STXBP2: variants seen among roughly 807,000 people sequenced by gnomAD.
STXBP2 encodes syntaxin-binding protein 2.
STXBP2 carries 47 observed loss-of-function variants against 72.2 expected under a neutral mutation model. The ratio of observed to expected loss-of-function variants is 0.65; its 90% CI spans 0.51 to 0.83. The LOEUF is 0.83. Ranked by LOEUF, STXBP2 falls within the 40% of genes least tolerant of loss-of-function variation. The pLI is 0.00. For synonymous variants in STXBP2, 367 were observed against 338.7 expected, an observed-to-expected ratio of 1.08 and a Z score of -0.92; for missense variants, 702 against 807.6, an observed-to-expected ratio of 0.87 and a Z score of 1.58.
In STXBP2 at chr19:7,641,760, C is replaced by T. The variant is rs1295427888; in HGVS notation, c.485C>T (p.Ala162Val). Reference protein sequence around the residue: ...STYNLYCPFRAEERTRQLEVL... With the variant: ...STYNLYCPFRVEERTRQLEVL... ...TACAACCTCTACTGCCCCTTCCGGG[C>T]AGAGGAGCGCACGCGGCAGCTCGAG... The change falls in exon 7 of 19, where the codon GCA becomes GTA. Residue 162 changes from alanine (A) to valine (V), a missense_variant. By Grantham distance (64) the Ala-to-Val change is moderately conservative. Transcript: ENST00000221283. 9 of 1,552,520 alleles carry T rather than the reference C, an allele frequency of 5.8e-6. No individual in the cohort carries two copies. The highest frequency in any genetic ancestry group is 7.8e-6 in the Non-Finnish European group (9 of 1,148,132).
intron 3 of STXBP2, chr19:7,639,305 G>C: frequency 4.5e-6 from 3 of 664,242 alleles, no homozygotes; most frequent in Non-Finnish European, 5.4e-6. Flanking sequence ...CCCATGGATT[G>C]CAGGCCTCCC....
Position 7,642,739 on chromosome 19 carries a change from C to G in STXBP2, c.903-27C>G, listed in dbSNP as rs754346281. 5 of 1,612,802 alleles carry G rather than the reference C, an allele frequency of 3.1e-6. No individual in the cohort carries two copies. The highest frequency in any genetic ancestry group is 1.7e-5 in the Admixed American group (1 of 59,942). On this transcript the variant is annotated intron_variant, in intron 10 of 18. Transcript: ENST00000221283. This position sits in a 1 kb window ranked among gnomAD's most constrained non-coding sequence, Gnocchi z 6.0. ...GGCCTGTGGCTCCTCTCCCCTCACTCTCACCCCCGCCCACCCTCATGGCCA... is the reference window on the plus strand; with the variant it reads ...GGCCTGTGGCTCCTCTCCCCTCACTGTCACCCCCGCCCACCCTCATGGCCA...
intron 15 of STXBP2, chr19:7,645,532 G>A (rs1302268527): frequency 2.2e-5 from 12 of 558,120 alleles, no homozygotes; most frequent in African/African-American, 3.8e-5. Flanking sequence ...AGACATGGTC[G>A]CTGCCAGGCT....
intron 16 of STXBP2, 57 bp downstream of exon 16, chr19:7,646,401 C>A: frequency 6.8e-7 from 1 of 1,477,362 alleles, no homozygotes; most frequent in Non-Finnish European, 9.3e-7. Context: ...GGCGGCTCAG[C>A]CTCCCTCCTG....
chr19:7,636,473 G>T (rs115353996), upstream of STXBP2: 1 of 152,228 alleles, frequency 6.6e-6, no homozygotes, highest in Non-Finnish European at 1.5e-5. Flanking sequence ...CCTCCCGGAA[G>T]AGGGTAAGGC....
At position 7,637,154 on chromosome 19, in the gene STXBP2, C is replaced by T. The variant is rs1599386139; in HGVS notation, c.5C>T (p.Ala2Val). M[A>V]PSGLKAVVGE... ...CGGCGGCGCCCCTCGGGGAAGATGG[C>T]GCCCTCGGGGCTGAAGGCGGTGGTG... The change falls in exon 1 of 19, where the codon GCG becomes GTG. Residue 2 changes from alanine to valine, a missense_variant. Physicochemically the swap from Ala to Val is moderately conservative, Grantham distance 64. Transcript: ENST00000221283. 1.6e-6 allele frequency: 2 copies of T among 1,241,264 alleles called. No individual in the cohort carries two copies. Among genetic ancestry groups the T allele is most frequent in the Non-Finnish European group, 1.0e-6 (1 of 988,118 alleles). The allele number at this position is 1,241,264 out of a possible 1,614,324, so 76.9% of individuals were successfully genotyped here.
At chr19:7,639,656 C>T (rs1200183187) in intron 3 of STXBP2, 75 bp from the exon 4 acceptor site, 29 of 1,431,526 alleles carry the variant, frequency 2.0e-5, no homozygotes, top group Non-Finnish European at 2.8e-5. Flanking sequence ...AGCCTCCAAC[C>T]CCCCACACCT....
chr19:7,631,465 A>T, the STXBP2 span: 2 of 1,522,708 alleles, frequency 1.3e-6, no homozygotes, highest in Non-Finnish European at 1.8e-6. Flanking sequence ...CCGCTTCTCC[A>T]CCCCTAGCTT....
At position 7,639,719 on chromosome 19, in the gene STXBP2, T is replaced by C. The variant is rs764720379; in HGVS notation, c.170-12T>C. On this transcript the variant is annotated splice_polypyrimidine_tract_variant and intron_variant, in intron 3 of 18. Coordinates refer to ENST00000221283, the MANE Select transcript of STXBP2 (RefSeq NM_006949.4). ...TGCCACCCACCTGTGTCCCTTCCTCTGTTCCTACTAGTTGTTGAAGACATC... is the reference window on the plus strand; with the variant it reads ...TGCCACCCACCTGTGTCCCTTCCTCCGTTCCTACTAGTTGTTGAAGACATC... 29 of 1,611,944 alleles carry C rather than the reference T, an allele frequency of 1.8e-5. No homozygotes were observed. In the Admixed American group the frequency reaches 3.5e-4, roughly 19 times the overall value.
At chr19:7,641,171 C>A in intron 6 of STXBP2, 168 bp downstream of exon 6, 1 of 739,500 alleles carries the variant, frequency 1.4e-6, no homozygotes, top group Non-Finnish European at 2.4e-6. Context: ...TTGAGACCAG[C>A]CTGGGTACAG....
rs1266495988 is a variant in STXBP2 at position 7,640,786 on chromosome 19, C to T, written c.302C>T (p.Ala101Val). The T allele has an allele frequency of 2.5e-6, 4 of 1,614,040 alleles. No individual in the cohort carries two copies. Among genetic ancestry groups the T allele is most frequent in the African/African-American group, 1.3e-5 (1 of 74,906 alleles). Residue 101 changes from alanine to valine, a missense_variant, in exon 5 of 19, where the codon GCG (alanine) becomes GTG (valine). Ala to Val is a moderately conservative substitution (Grantham distance 64, BLOSUM62 0). Coordinates refer to ENST00000221283, the MANE Select transcript of STXBP2 (RefSeq NM_006949.4). ...FQGTPTFTYK[A>V]AHIFFTDTCP... The stretch of plus-strand genomic sequence containing the variant: ...GGGACCCCGACTTTCACCTACAAAG[C>T]GGCCCATATCTTCTTCACCGACAGT...
At chr19:7,645,971 T>A in intron 15 of STXBP2, 1 of 548,012 alleles carries the variant, frequency 1.8e-6, no homozygotes, top group East Asian at 3.1e-5. Flanking sequence ...GCCTTCATAC[T>A]TTGTCTCACT....
chr19:7,642,257 G>A lies in STXBP2; in HGVS notation c.718G>A (p.Val240Met), dbSNP rs750808117. The A allele has an allele frequency of 9.9e-6, 16 of 1,613,990 alleles. No individual in the cohort carries two copies. The highest frequency in any genetic ancestry group is 1.2e-5 in the Non-Finnish European group (14 of 1,180,012). ...GATAATGGACCGGGCAGCTGACCCCGTGTCCCCACTACTGCATGAGCTCAC... is the reference window on the plus strand; with the variant it reads ...GATAATGGACCGGGCAGCTGACCCCATGTCCCCACTACTGCATGAGCTCAC... ...LLIMDRAADP[V>M]SPLLHELTFQ... The change falls in exon 9 of 19, where the codon GTG becomes ATG. Residue 240 changes from valine to methionine, a missense_variant. Physicochemically the swap from Val to Met is conservative, Grantham distance 21. Coordinates refer to ENST00000221283, the MANE Select transcript of STXBP2 (RefSeq NM_006949.4). This position sits in a 1 kb window ranked among gnomAD's most constrained non-coding sequence, Gnocchi z 6.0.
upstream of STXBP2, chr19:7,633,647 G>A (rs1214795449): frequency 1.9e-5 from 12 of 622,254 alleles, no homozygotes; most frequent in South Asian, 1.2e-4. Flanking sequence ...CCACAACGAT[G>A]CTGGATCTGG....
Position 7,646,322 on chromosome 19 carries a change from C to T in STXBP2, c.1430C>T (p.Pro477Leu), listed in dbSNP as rs121918540. 5.0e-6 allele frequency: 8 copies of T among 1,610,080 alleles called. No individual in the cohort carries two copies. In the East Asian group the frequency reaches 6.7e-5, roughly 14 times the overall value. The change falls in exon 16 of 19, where the codon CCG (proline) becomes CTG (leucine). Residue 477 changes from proline (P) to leucine (L), a missense_variant. Pro to Leu is a moderately conservative substitution (Grantham distance 98). Transcript: ENST00000221283. ...EPTYQLSRWT[P>L]VIKDVMEDAV... ...ACCTATCAGCTGTCCCGCTGGACCC[C>T]GGTCATCAAGGATGTAATGGAGGTA...
Position 7,642,966 on chromosome 19 carries a change from TC to T in STXBP2, c.961-12del. 6.2e-7 allele frequency: 1 copy of T among 1,613,694 alleles called. No homozygotes were observed. The highest frequency in any genetic ancestry group is 8.5e-7 in the Non-Finnish European group (1 of 1,179,894). On this transcript the variant is annotated splice_polypyrimidine_tract_variant and intron_variant, in intron 11 of 18. Coordinates refer to ENST00000221283, the MANE Select transcript of STXBP2 (RefSeq NM_006949.4). This position sits in a 1 kb window ranked among gnomAD's most constrained non-coding sequence, Gnocchi z 6.0. ...CTTCGCCCCCCAATCCCTACCCTCT[TC>T]CCCCTACTTCCCCAGGCGAACATCA...
At position 7,638,679 on chromosome 19, in the gene STXBP2, G is replaced by A. The variant is rs116402517; in HGVS notation, c.38-47G>A. 2,703 of 1,606,634 alleles carry A rather than the reference G, an allele frequency of 1.7e-3. 44 individuals are homozygous for A. The African/African-American group carries it at 0.031, about 19-fold the overall frequency. ...GGCTGAGAAGGCTTGGGGCAGTGGT[G>A]GGACCAGAGAACCAGCATTCTGACC... On this transcript the variant is annotated intron_variant, in intron 1 of 18. Coordinates refer to ENST00000221283, the MANE Select transcript of STXBP2 (RefSeq NM_006949.4).
intron 14 of STXBP2, 130 bp downstream of exon 14, chr19:7,644,882 C>A: frequency 6.6e-7 from 1 of 1,504,274 alleles, no homozygotes; most frequent in Non-Finnish European, 8.9e-7. Context: ...CCCACAGCTA[C>A]CCCTCTGGAC....
chr19:7,632,628 C>A (rs1283091897), upstream of STXBP2: 4 of 1,579,948 alleles, frequency 2.5e-6, no homozygotes, highest in South Asian at 3.4e-5. This position sits in a 1 kb window ranked among gnomAD's most constrained non-coding sequence, Gnocchi z 5.2. Context: ...TCCCACATCC[C>A]GTGCCCCCAG....
Sources: allele counts gnomAD v4.1 joint callset, GRCh38; gene constraint gnomAD v4.1.1; non-coding constraint Gnocchi (gnomAD v3.1); transcripts MANE v1.5; gene names NCBI Gene and HGNC (gene_info 2026-07-23, HGNC 2026-07-21).